The following SPINK9 variants were observed in gnomAD, a reference collection of about 807,000 sequenced individuals.
The protein encoded by SPINK9 is serine protease inhibitor Kazal-type 9.
SPINK9 carries 3 observed loss-of-function variants against 10.8 expected under a neutral mutation model. The ratio of observed to expected loss-of-function variants is 0.28; its 90% confidence interval spans 0.13 to 0.72. SPINK9 has a LOEUF of 0.72. Among genes scored for constraint, SPINK9 ranks in the 30% least tolerant of loss-of-function variants. The probability of loss-of-function intolerance (pLI) is 0.74; values close to 1 mark genes in which losing one functional copy is unlikely to be tolerated. For synonymous variants in SPINK9, 30 were observed against 31.2 expected (o/e 0.96, Z 0.12); for missense variants, 101 against 103.2 (o/e 0.98, Z 0.09).
chr5:148,328,243 T>C (rs1401041815), intron 2 of SPINK9, among the ~76,000 whole-genome samples: 3 of 152,304 alleles, frequency 2.0e-5, no homozygotes, highest in South Asian at 2.1e-4. Flanking sequence ...GTTGGATTCC[T>C]AGGTATTTTA....
intron 1 of SPINK9, among the ~76,000 whole-genome samples, chr5:148,322,670 T>A (rs1412652571): frequency 6.6e-6 from 1 of 152,206 alleles, no homozygotes; most frequent in Non-Finnish European, 1.5e-5. Flanking sequence ...ACTTTATAGT[T>A]TACAAAACAC....
intron 2 of SPINK9, among the ~76,000 whole-genome samples, chr5:148,327,419 G>A (rs1237859555): frequency 1.3e-5 from 2 of 152,070 alleles, no homozygotes; most frequent in Non-Finnish European, 2.9e-5. Flanking sequence ...TTTGTCAGAT[G>A]AGTAGGTTGC....
chr5:148,324,437 A>G (rs1757033345), intron 2 of SPINK9, among the ~76,000 whole-genome samples: 1 of 152,098 alleles, frequency 6.6e-6, no homozygotes, highest in African/African-American at 2.4e-5. Flanking sequence ...CCCTTACTCA[A>G]GTGATCAAAG....
Position 148,339,844 on chromosome 5 carries a change from T to C in SPINK9, c.*132T>C, listed in dbSNP as rs1757267424. ...ATTTCTTTGTAGAATAAAGCAGATA[T>C]AAGGGAAATAAATGTGCACCTGACT... On this transcript the variant is annotated 3_prime_UTR_variant, in exon 4 of 4. Transcript: ENST00000377906. The C allele has an allele frequency of 4.5e-6, 3 of 669,684 alleles. No individual in the cohort carries two copies. The highest frequency in any genetic ancestry group is 2.5e-5 in the South Asian group (1 of 39,604). The allele number at this position is 669,684 out of a possible 1,614,324, so 41.5% of individuals were successfully genotyped here.
upstream of SPINK9, among the ~76,000 whole-genome samples, chr5:148,332,429 T>A (rs547906534): frequency 6.6e-6 from 1 of 152,332 alleles, no homozygotes; most frequent in African/African-American, 2.4e-5. Context: ...CTGAGACTCA[T>A]TTACCTTCTG....
At chr5:148,330,730 G>A (rs112504382), upstream of SPINK9, among the ~76,000 whole-genome samples, 1 of 152,056 alleles carries the variant, frequency 6.6e-6, no homozygotes, top group Non-Finnish European at 1.5e-5. Flanking sequence ...GCATTTGCTT[G>A]TCTGTAAAGG....
upstream of SPINK9, among the ~76,000 whole-genome samples, chr5:148,331,445 T>A (rs188898851): frequency 1.2e-3 from 177 of 151,790 alleles, no homozygotes; most frequent in African/African-American, 4.0e-3. Flanking sequence ...TAGGAGAGAG[T>A]AGAATGGTTG....
intron 2 of SPINK9, among the ~76,000 whole-genome samples, chr5:148,324,929 C>T (rs1757040283): frequency 6.6e-6 from 1 of 152,028 alleles, no homozygotes; most frequent in Non-Finnish European, 1.5e-5. Flanking sequence ...GCAGTCACTC[C>T]TATCTACCCC....
chr5:148,334,184 G>A (rs1757185748), upstream of SPINK9, among the ~76,000 whole-genome samples: 1 of 151,916 alleles, frequency 6.6e-6, no homozygotes, highest in Non-Finnish European at 1.5e-5. Context: ...GGCAGGCTAA[G>A]CAATTATATG....
At chr5:148,328,154 C>A (rs1416018336) in intron 2 of SPINK9, among the ~76,000 whole-genome samples, 1 of 152,142 alleles carries the variant, frequency 6.6e-6, no homozygotes, top group Non-Finnish European at 1.5e-5. Context: ...AATGTTCTTC[C>A]ATTTGTTTGT....
At chr5:148,333,220 C>CTTTTATCGG (rs1757172894), upstream of SPINK9, among the ~76,000 whole-genome samples, 2 of 152,158 alleles carry the variant, frequency 1.3e-5, no homozygotes. Flanking sequence ...CAGCACACTT[C>CTTTTATCGG]TTTTATCGGT....
At chr5:148,329,563 G>T (rs551589991) in intron 2 of SPINK9, among the ~76,000 whole-genome samples, 6 of 152,192 alleles carry the variant, frequency 3.9e-5, no homozygotes, top group African/African-American at 1.4e-4. Context: ...GAATGTGTTT[G>T]CTCTTGCTTC....
chr5:148,338,047 A>C (rs988275075), intron 2 of SPINK9, among the ~76,000 whole-genome samples: 25 of 152,158 alleles, frequency 1.6e-4, no homozygotes, highest in African/African-American at 5.5e-4. Flanking sequence ...AGTCATTAAA[A>C]TGATAGTAGT....
At chr5:148,330,685 T>C (rs1757136935), upstream of SPINK9, among the ~76,000 whole-genome samples, 1 of 152,188 alleles carries the variant, frequency 6.6e-6, no homozygotes, top group Non-Finnish European at 1.5e-5. Flanking sequence ...TCAGGAGTTC[T>C]TTTAGGGCAG....
chr5:148,333,608 T>C (rs1372480529), upstream of SPINK9, among the ~76,000 whole-genome samples: 1 of 152,182 alleles, frequency 6.6e-6, no homozygotes, highest in Non-Finnish European at 1.5e-5. Context: ...GGCAGTAATG[T>C]CTGGGTGTTG....
chr5:148,332,183 A>C (rs1221200067), upstream of SPINK9, among the ~76,000 whole-genome samples: 1 of 152,220 alleles, frequency 6.6e-6, no homozygotes, highest in Non-Finnish European at 1.5e-5. Context: ...GGTACTAGTA[A>C]CGTGATAAAT....
chr5:148,322,749 G>C (rs1581182795), intron 1 of SPINK9, among the ~76,000 whole-genome samples: 1 of 152,278 alleles, frequency 6.6e-6, no homozygotes, highest in South Asian at 2.1e-4. Context: ...AATAACGTTT[G>C]TTCTGCAGAC....
chr5:148,338,446 A>G (rs751645672), intron 2 of SPINK9, 32 bp from the exon 3 acceptor site: 105 of 1,569,350 alleles, frequency 6.7e-5, no homozygotes, highest in Non-Finnish European at 8.5e-5. Context: ...ATTTGGTTGA[A>G]AGAGTTGAAG....
intron 1 of SPINK9, among the ~76,000 whole-genome samples, chr5:148,322,902 C>T (rs939858571): frequency 6.6e-6 from 1 of 152,024 alleles, no homozygotes; most frequent in Non-Finnish European, 1.5e-5. Flanking sequence ...AAACTCACGA[C>T]CTTAAAAGTA....
Sources: allele counts gnomAD v4.1 joint callset (sites outside exome capture counted in the v4.1 genomes callset), GRCh38; gene constraint gnomAD v4.1.1; transcripts MANE v1.5; gene names NCBI Gene and HGNC (gene_info 2026-07-23, HGNC 2026-07-21).